The following CDH13 variants were observed in gnomAD, a reference collection of about 807,000 sequenced individuals.
CDH13 encodes the protein cadherin-13.
CDH13 carries 24 observed loss-of-function variants against 63.8 expected under a neutral mutation model. That is an observed-to-expected ratio of 0.38 (90% confidence interval 0.27 to 0.53). The LOEUF is 0.53. Ranked by LOEUF, CDH13 falls within the 20% of genes least tolerant of loss-of-function variation. CDH13 has a pLI of 0.85. For synonymous variants in CDH13, 503 were observed against 355.3 expected (o/e 1.42, Z -4.67); for missense variants, 1,049 against 903.1 (o/e 1.16, Z -2.07).
At position 83,756,613 on chromosome 16, in the gene CDH13, A is replaced by C. The variant is rs145950748; in HGVS notation, c.1681+8363A>C. ...TGTTAGTGTATTGTATGTGTGGCCC[A>C]AGACAATTCTTCTTCCAATGTGGCC... On this transcript the variant is annotated intron_variant, in intron 11 of 13. Transcript: ENST00000567109. 9.4e-3 allele frequency among the ~76,000 whole-genome samples: 1,438 copies of C among 152,308 alleles called. 8 individuals are homozygous for C. Among genetic ancestry groups the C allele is most frequent in the African/African-American group, 0.018 (734 of 41,572 alleles).
chr16:83,734,250 A>G (rs527968435), intron 10 of CDH13, among the ~76,000 whole-genome samples: 5 of 152,336 alleles, frequency 3.3e-5, no homozygotes, highest in Non-Finnish European at 7.4e-5. Flanking sequence ...CCGAAGCACC[A>G]GGGGTTTGGT....
At chr16:82,787,074 C>A (rs1316801048) in intron 1 of CDH13, among the ~76,000 whole-genome samples, 1 of 152,118 alleles carries the variant, frequency 6.6e-6, no homozygotes, top group Non-Finnish European at 1.5e-5. Context: ...ACATATAATT[C>A]ACCTATAAAA....
chr16:83,430,921 C>T (rs1185401509), intron 6 of CDH13, among the ~76,000 whole-genome samples: 2 of 151,304 alleles, frequency 1.3e-5, no homozygotes, highest in African/African-American at 4.9e-5. Context: ...CACCCACTAA[C>T]TCGTCATCTA....
At chr16:83,044,880 G>A (rs548503585) in intron 3 of CDH13, among the ~76,000 whole-genome samples, 128 of 152,204 alleles carry the variant, frequency 8.4e-4, no homozygotes, top group African/African-American at 2.9e-3. Context: ...TGTTGTCAGA[G>A]GTAAATTTCC....
intron 1 of CDH13, among the ~76,000 whole-genome samples, chr16:82,831,867 A>C (rs1440351733): frequency 6.6e-6 from 1 of 152,210 alleles, no homozygotes; most frequent in African/African-American, 2.4e-5. Flanking sequence ...TCCAGGAAAC[A>C]ACCATATCTA....
chr16:83,258,032 G>A (rs998934002), intron 5 of CDH13, among the ~76,000 whole-genome samples: 2 of 152,174 alleles, frequency 1.3e-5, no homozygotes, highest in African/African-American at 2.4e-5. Flanking sequence ...TCATTTTGAA[G>A]AATTTATTCT....
rs536369779 is a variant in CDH13, at chr16:83,059,929, G to T, written c.366+27711G>T. ...CTGCCTCAGCCTCCCGAGTAGCTGGGACTACAGGTGCCCGCCAGCACACCC... is the reference window on the plus strand; with the variant it reads ...CTGCCTCAGCCTCCCGAGTAGCTGGTACTACAGGTGCCCGCCAGCACACCC... On this transcript the variant is annotated intron_variant, in intron 3 of 13. Transcript: ENST00000567109. 2.4e-4 allele frequency among the ~76,000 whole-genome samples: 36 copies of T among 151,716 alleles called. 2 individuals are homozygous for T. The South Asian group carries it at 7.1e-3, about 30-fold the overall frequency.
At chr16:83,255,957 C>T (rs1245164072) in intron 5 of CDH13, among the ~76,000 whole-genome samples, 2 of 152,112 alleles carry the variant, frequency 1.3e-5, no homozygotes, top group African/African-American at 4.8e-5. Flanking sequence ...ATGGTCAAAT[C>T]TAAGAAGATT....
intron 8 of CDH13, among the ~76,000 whole-genome samples, chr16:83,610,339 T>TA (rs1465025790): frequency 2.0e-4 from 30 of 152,340 alleles, no homozygotes; most frequent in African/African-American, 5.5e-4. Flanking sequence ...TTGCAGTTAA[T>TA]ATGACTTATT....
chr16:83,395,022 C>T (rs1052914864), intron 6 of CDH13, among the ~76,000 whole-genome samples: 1 of 151,970 alleles, frequency 6.6e-6, no homozygotes, highest in African/African-American at 2.4e-5. Flanking sequence ...GTGGTGGGCA[C>T]CTGTAATCCC....
At chr16:83,462,167 T>C (rs1457397740) in intron 6 of CDH13, among the ~76,000 whole-genome samples, 4 of 152,198 alleles carry the variant, frequency 2.6e-5, no homozygotes, top group African/African-American at 9.6e-5. Flanking sequence ...GCCTTGCAGT[T>C]CTTCAAGCAG....
chr16:83,711,961 G>A (rs1053227912), intron 10 of CDH13, among the ~76,000 whole-genome samples: 1 of 152,210 alleles, frequency 6.6e-6, no homozygotes, highest in African/African-American at 2.4e-5. Flanking sequence ...CAAGGTGTTG[G>A]CAGAGTTGGT....
intron 10 of CDH13, among the ~76,000 whole-genome samples, chr16:83,730,226 G>A (rs1233984848): frequency 1.3e-5 from 2 of 152,168 alleles, no homozygotes; most frequent in African/African-American, 4.8e-5. Context: ...ATAAGTCTGA[G>A]CTATGCATTA....
At chr16:83,408,592 G>A (rs2092081952) in intron 6 of CDH13, among the ~76,000 whole-genome samples, 1 of 152,174 alleles carries the variant, frequency 6.6e-6, no homozygotes, top group African/African-American at 2.4e-5. Flanking sequence ...GTATAGGAAA[G>A]CTCGATTATA....
At chr16:82,681,132 G>GAAAGATTA (rs764080358) in intron 1 of CDH13, among the ~76,000 whole-genome samples, 1 of 152,202 alleles carries the variant, frequency 6.6e-6, no homozygotes, top group Non-Finnish European at 1.5e-5. Flanking sequence ...TCTGGTGTCT[G>GAAAGATTA]AAAGATTAAA....
rs564786819 is a variant in CDH13 at position 83,454,603 on chromosome 16, A to G, written c.782-31874A>G. Among the ~76,000 whole-genome samples the G allele has an allele frequency of 5.9e-5, 9 of 152,192 alleles. No homozygotes were observed. The South Asian group carries it at 1.9e-3, about 32-fold the overall frequency. On this transcript the variant is annotated intron_variant, in intron 6 of 13. Coordinates refer to ENST00000567109, the MANE Select transcript of CDH13 (RefSeq NM_001257.5). ...TCCATCAAGTAGCTGAGTCTAATTT[A>G]TTTGGCCATTTTCCTATGGTTAAAC...
chr16:82,752,338 A>C (rs974108887), intron 1 of CDH13, among the ~76,000 whole-genome samples: 2 of 152,170 alleles, frequency 1.3e-5, no homozygotes, highest in Non-Finnish European at 2.9e-5. Context: ...GCAGAAAGGA[A>C]TCTTTCCCTG....
chr16:83,073,041 GTGCT>G (rs1439447011), intron 3 of CDH13, among the ~76,000 whole-genome samples: 1 of 152,178 alleles, frequency 6.6e-6, no homozygotes, highest in African/African-American at 2.4e-5. Flanking sequence ...GGTGTCCTAA[GTGCT>G]TGTGTTGAGT....
intron 7 of CDH13, among the ~76,000 whole-genome samples, chr16:83,579,807 G>A (rs1202692068): frequency 6.6e-6 from 1 of 151,882 alleles, no homozygotes; most frequent in African/African-American, 2.4e-5. Context: ...TATGTTAAAT[G>A]TAGGCATGGG....
Sources: gnomAD v4.1 joint callset for allele counts (sites outside exome capture counted in the v4.1 genomes callset) on GRCh38, gnomAD v4.1.1 for gene constraint, MANE v1.5 for transcripts, NCBI Gene and HGNC (gene_info 2026-07-23, HGNC 2026-07-21) for gene names.